Variants in SKOR2 observed in about 807,000 individuals in gnomAD.
SKOR2 encodes SKI family transcriptional corepressor 2, also known as LBX1 corepressor 1-like protein.
SKOR2 carries 47 observed loss-of-function variants against 69.1 expected under a neutral mutation model. The ratio of observed to expected loss-of-function variants is 0.68; its 90% CI spans 0.54 to 0.87. The LOEUF is 0.87. Ranked by LOEUF, SKOR2 falls within the 40% of genes least tolerant of loss-of-function variation. The pLI, the probability that SKOR2 is intolerant of heterozygous loss-of-function variation, is 0.00. For synonymous variants in SKOR2, 717 were observed against 672.6 expected (o/e 1.07, Z -1.02); for missense variants, 1,404 against 1,472.2 (o/e 0.95, Z 0.76).
At chr18:47,213,134 T>C (rs1049141401) in intron 7 of SKOR2, among the ~76,000 whole-genome samples, 3 of 152,056 alleles carry the variant, frequency 2.0e-5, no homozygotes, top group Non-Finnish European at 2.9e-5. Context: ...ATGGTTGAAA[T>C]TGGACTCAAG....
At position 47,247,263 on chromosome 18, in the gene SKOR2, C is replaced by T; in HGVS notation, c.1921G>A (p.Gly641Arg). Residue 641 changes from glycine to arginine, a missense_variant, in exon 2 of 9, where the codon GGG (glycine) becomes AGG (arginine). Gly to Arg is a moderately radical substitution (Grantham distance 125, BLOSUM62 -2). This residue lies in a region of SKOR2 where 1,266 missense variants were observed against 1,309.9 expected (regional missense o/e 0.97). Transcript: ENST00000425639. This position sits in a 1 kb window ranked among gnomAD's most constrained non-coding sequence, Gnocchi z 6.6. ...DDAESLAKLH[G>R]ASAGAPHSAQ... ...GAGTGGGGCGCGCCCGCCGACGCCCCGTGCAGCTTGGCCAGGCTCTCCGCG... is the reference window on the plus strand; with the variant it reads ...GAGTGGGGCGCGCCCGCCGACGCCCTGTGCAGCTTGGCCAGGCTCTCCGCG... The T allele has an allele frequency of 1.4e-6, 2 of 1,480,082 alleles. No homozygotes were observed. Among genetic ancestry groups the T allele is most frequent in the Non-Finnish European group, 1.8e-6 (2 of 1,121,174 alleles). The allele number at this position is 1,480,082 out of a possible 1,614,324, so 91.7% of individuals were successfully genotyped here. A position where few individuals can be genotyped will look rare whatever the true frequency, so the allele number is the denominator to read the frequency against.
At chr18:47,213,749 C>A (rs2064135257) in intron 7 of SKOR2, among the ~76,000 whole-genome samples, 1 of 151,908 alleles carries the variant, frequency 6.6e-6, no homozygotes, top group African/African-American at 2.4e-5. Flanking sequence ...GTTCAGTGTC[C>A]TAATCTCGTA....
intron 6 of SKOR2, among the ~76,000 whole-genome samples, chr18:47,222,929 C>A (rs2064166413): frequency 6.6e-6 from 1 of 151,940 alleles, no homozygotes; most frequent in Non-Finnish European, 1.5e-5. Context: ...AAAAAGAAGC[C>A]ATTAAAGTAT....
chr18:47,241,971 G>A (rs1329255555), intron 4 of SKOR2, among the ~76,000 whole-genome samples: 1 of 152,110 alleles, frequency 6.6e-6, no homozygotes, highest in East Asian at 1.9e-4. Context: ...ACTATTGACC[G>A]CACTGCCCTG....
chr18:47,226,180 C>T (rs543418371), intron 6 of SKOR2, among the ~76,000 whole-genome samples: 6 of 152,066 alleles, frequency 3.9e-5, no homozygotes, highest in South Asian at 2.1e-4. Context: ...TACAGCAAAA[C>T]GATGAATGCT....
chr18:47,236,654 T>C (rs1400183696), intron 4 of SKOR2, among the ~76,000 whole-genome samples: 1 of 152,120 alleles, frequency 6.6e-6, no homozygotes, highest in Admixed American at 6.5e-5. Flanking sequence ...AAAATGGCCA[T>C]CTATGAACCA....
In SKOR2 at chr18:47,249,041, C is replaced by T. The variant is rs1248295541; in HGVS notation, c.143G>A (p.Gly48Asp). 6.5e-7 allele frequency: 1 copy of T among 1,539,086 alleles called. No homozygotes were observed. The highest frequency in any genetic ancestry group is 1.2e-5 in the South Asian group (1 of 84,162). ...PNQVGQVILY[G>D]IPIVSLVIDG... ...GATCACCAACGACACGATGGGAATG[C>T]CGTAGAGGATCACCTGGCCCACCTG... Residue 48 changes from glycine (G) to aspartate (D), a missense_variant, in exon 2 of 9, where the codon GGC becomes GAC. Coordinates refer to ENST00000425639, the MANE Select transcript of SKOR2 (RefSeq NM_001278063.4).
rs114137096 is a variant in SKOR2 at position 47,222,249 on chromosome 18, G to A, written c.2918-2239C>T. 3.0e-3 allele frequency among the ~76,000 whole-genome samples: 453 copies of A among 151,872 alleles called. 2 individuals are homozygous for A. The highest frequency in any genetic ancestry group is 9.9e-3 in the African/African-American group (408 of 41,388). On this transcript the variant is annotated intron_variant, in intron 6 of 8. Transcript: ENST00000425639. ...AGGTAGGAGAATCACCTGGGAAGTC[G>A]AGGCTGCAGTGAGCTGAGATTGCAC... is the stretch of plus-strand genomic sequence containing the variant.
chr18:47,237,804 C>T (rs1217835366), intron 4 of SKOR2, among the ~76,000 whole-genome samples: 1 of 151,458 alleles, frequency 6.6e-6, no homozygotes, highest in Non-Finnish European at 1.5e-5. Flanking sequence ...TCATGCGATC[C>T]TCCCACTTCA....
At chr18:47,227,891 G>A (rs540247332) in intron 6 of SKOR2, among the ~76,000 whole-genome samples, 3 of 152,300 alleles carry the variant, frequency 2.0e-5, no homozygotes, top group East Asian at 1.9e-4. Context: ...AGGTCTGGTC[G>A]ATTTTTGAGC....
At chr18:47,209,844 C>A (rs544531315) in intron 8 of SKOR2, among the ~76,000 whole-genome samples, 1 of 152,272 alleles carries the variant, frequency 6.6e-6, no homozygotes, top group East Asian at 1.9e-4. Context: ...GTAATCTCAG[C>A]ACTTTGGGAG....
intron 6 of SKOR2, among the ~76,000 whole-genome samples, chr18:47,227,720 C>G (rs932366200): frequency 6.6e-6 from 1 of 152,194 alleles, no homozygotes; most frequent in Non-Finnish European, 1.5e-5. Context: ...TTCATAATCA[C>G]CATCATAATT....
chr18:47,248,598 C>A lies in SKOR2; in HGVS notation c.586G>T (p.Ala196Ser). Reference sequence around the variant, plus strand: ...GCTGCGTCTGGCTGAGTGTACTTGGCGTCGGGCGTGCGGTGGGAGTGGAAA... The same window carrying A: ...GCTGCGTCTGGCTGAGTGTACTTGGAGTCGGGCGTGCGGTGGGAGTGGAAA... Reference protein sequence around the residue: ...FIFHSHRTPDAKYTQPDAANF... With the variant: ...FIFHSHRTPDSKYTQPDAANF... The change falls in exon 2 of 9, where the codon GCC becomes TCC. Residue 196 changes from alanine to serine, a missense_variant. Ala to Ser is a moderately conservative substitution (Grantham distance 99). Around this residue, in one of 3 missense-constraint regions of SKOR2, gnomAD observed 1,266 missense variants for 1,309.9 expected, o/e 0.97. Coordinates refer to ENST00000425639, the MANE Select transcript of SKOR2 (RefSeq NM_001278063.4). The surrounding 1 kb of genome is among the most constrained non-coding windows in gnomAD (Gnocchi z 6.4). 1 of 1,541,690 alleles carries A rather than the reference C, an allele frequency of 6.5e-7. No individual in the cohort carries two copies. The highest frequency in any genetic ancestry group is 8.7e-7 in the Non-Finnish European group (1 of 1,148,918).
At chr18:47,223,513 A>C (rs2684837) in intron 6 of SKOR2, among the ~76,000 whole-genome samples, 61,403 of 152,064 alleles carry the variant, frequency 0.4, 12,694 homozygotes, top group Middle Eastern at 0.49. Context: ...TAAGGAAATA[A>C]TAGTGGATAC....
intron 6 of SKOR2, among the ~76,000 whole-genome samples, chr18:47,224,013 C>T (rs928958389): frequency 6.6e-6 from 1 of 151,728 alleles, no homozygotes; most frequent in Non-Finnish European, 1.5e-5. Flanking sequence ...TCAAGCGATT[C>T]TCCTGCCTCA....
In SKOR2 at chr18:47,245,478, A is replaced by ATTT. The variant is rs10670977; in HGVS notation, c.2677+17_2677+19dup. ...ATGCAGGCAAGAAAAGTGGCAGCTG[A>ATTT]TTTTTTTTTTTTTTTTTACCTGAAA... On this transcript the variant is annotated intron_variant, in intron 3 of 8. Coordinates refer to ENST00000425639, the MANE Select transcript of SKOR2 (RefSeq NM_001278063.4). The ATTT allele has an allele frequency of 2.2e-3, 2,643 of 1,195,928 alleles. 44 individuals are homozygous for ATTT. In the African/African-American group the frequency reaches 0.024, roughly 11 times the overall value. 74.1% of individuals were successfully genotyped at this position (1,195,928 alleles called of 1,614,324 possible). A position where few individuals can be genotyped will look rare whatever the true frequency, so the allele number is the denominator to read the frequency against.
chr18:47,249,600 A>C (rs999279262), intron 1 of SKOR2, among the ~76,000 whole-genome samples: 9 of 152,362 alleles, frequency 5.9e-5, no homozygotes, highest in Admixed American at 5.2e-4. Flanking sequence ...AGATAATAAA[A>C]GTTACGGAAA....
At chr18:47,245,860 A>G (rs1273308429) in intron 2 of SKOR2, among the ~76,000 whole-genome samples, 1 of 152,122 alleles carries the variant, frequency 6.6e-6, no homozygotes, top group Non-Finnish European at 1.5e-5. Flanking sequence ...TCAAATCTAC[A>G]CTTCATTAGG....
intron 4 of SKOR2, 100 bp downstream of exon 4, chr18:47,244,808 A>T: frequency 8.8e-7 from 1 of 1,137,958 alleles, no homozygotes; most frequent in Non-Finnish European, 1.2e-6. Flanking sequence ...ATTGTTTTTT[A>T]TTTTTACCCT....
Sources: gnomAD v4.1 joint callset for allele counts (sites outside exome capture counted in the v4.1 genomes callset) on GRCh38, gnomAD v4.1.1 for gene constraint, gnomAD v4.1.1 regional missense constraint, Gnocchi (gnomAD v3.1) non-coding constraint, MANE v1.5 for transcripts, NCBI Gene and HGNC (gene_info 2026-07-23, HGNC 2026-07-21) for gene names.